Variants in CTTNBP2 observed in about 807,000 individuals in gnomAD.
CTTNBP2 encodes cortactin-binding protein 2.
A neutral mutation model predicts 156.9 loss-of-function variants in CTTNBP2; 108 were observed. The observed-to-expected ratio is 0.69, with a 90% confidence interval of 0.59 to 0.81. The LOEUF (loss-of-function observed/expected upper bound fraction) is 0.81. Among genes scored for constraint, CTTNBP2 ranks in the 30% least tolerant of loss-of-function variants. CTTNBP2 has a pLI of 0.00. For synonymous variants in CTTNBP2, 767 were observed against 751.8 expected, an observed-to-expected ratio of 1.02 and a Z score of -0.33; for missense variants, 1,924 against 2,035.4, an observed-to-expected ratio of 0.95 and a Z score of 1.05.
At chr7:117,839,591 A>G (rs1481360617) in intron 2 of CTTNBP2, among the ~76,000 whole-genome samples, 9 of 152,246 alleles carry the variant, frequency 5.9e-5, no homozygotes, top group Admixed American at 5.9e-4. Context: ...TCTTAGGAGC[A>G]TTTCAGCCCC....
At chr7:117,842,901 T>C (rs1397197229) in intron 2 of CTTNBP2, among the ~76,000 whole-genome samples, 2 of 152,166 alleles carry the variant, frequency 1.3e-5, no homozygotes, top group Non-Finnish European at 2.9e-5. Context: ...AGAATAAAAT[T>C]CCTGCCCTCA....
chr7:117,777,369 C>A, intron 8 of CTTNBP2, 142 bp downstream of exon 8: 1 of 823,990 alleles, frequency 1.2e-6, no homozygotes, highest in South Asian at 1.9e-5. Flanking sequence ...GGAATAATGT[C>A]AATTTGTATT....
intron 2 of CTTNBP2, among the ~76,000 whole-genome samples, chr7:117,813,637 C>T (rs1011534940): frequency 2.0e-5 from 3 of 152,080 alleles, no homozygotes; most frequent in Admixed American, 1.3e-4. Flanking sequence ...ATAAGATCTC[C>T]GCGTCTATCT....
intron 16 of CTTNBP2, among the ~76,000 whole-genome samples, chr7:117,730,508 CA>C (rs1795342567): frequency 6.6e-6 from 1 of 152,118 alleles, no homozygotes; most frequent in Non-Finnish European, 1.5e-5. Context: ...CAAGAAGAGA[CA>C]AGGCTTAAAT....
intron 12 of CTTNBP2, among the ~76,000 whole-genome samples, chr7:117,750,689 A>G (rs1210916932): frequency 6.6e-6 from 1 of 152,206 alleles, no homozygotes; most frequent in African/African-American, 2.4e-5. Flanking sequence ...CGGGTCGAAC[A>G]TGCAAAGCTT....
At chr7:117,846,017 A>AT (rs1049586585) in intron 2 of CTTNBP2, among the ~76,000 whole-genome samples, 2 of 144,790 alleles carry the variant, frequency 1.4e-5, no homozygotes, top group African/African-American at 5.1e-5. Context: ...CGCCCGGCTA[A>AT]TTTTTTTGTA....
In CTTNBP2 at chr7:117,774,257, G is replaced by C. The variant is rs1052379899; in HGVS notation, c.2778+3254C>G. Among the ~76,000 whole-genome samples the C allele has an allele frequency of 3.9e-5, 6 of 152,076 alleles. No homozygotes were observed. In the East Asian group the frequency reaches 1.2e-3, roughly 29 times the overall value. ...AAGACCAGGGGCTAACGTGGAAAAAGGACAGATTTGGGAATTTGATCTTCA... is the reference window on the plus strand; with the variant it reads ...AAGACCAGGGGCTAACGTGGAAAAACGACAGATTTGGGAATTTGATCTTCA... On this transcript the variant is annotated intron_variant, in intron 8 of 22. Transcript: ENST00000160373.
In CTTNBP2 at chr7:117,740,548, T is replaced by G. The variant is rs555966646; in HGVS notation, c.3536-5127A>C. ...TAGAATACCTCAGGAATCAGTGTAC[T>G]CTTCAGTTGTGGTACTTACTATTTG... On this transcript the variant is annotated intron_variant, in intron 14 of 22. Transcript: ENST00000160373. 2.5e-4 allele frequency among the ~76,000 whole-genome samples: 38 copies of G among 152,340 alleles called. 1 individual carries two copies. Among genetic ancestry groups the G allele is most frequent in the Middle Eastern group, 3.4e-3 (1 of 294 alleles).
rs1286004528 is a variant in CTTNBP2 at position 117,838,927 on chromosome 7, C to T, written c.189+22282G>A. Among the ~76,000 whole-genome samples, 4 of 126,034 alleles carry T rather than the reference C, an allele frequency of 3.2e-5. 1 individual carries two copies. In the Admixed American group the frequency reaches 3.3e-4, roughly 10 times the overall value. 82.7% of individuals were successfully genotyped at this position (126,034 alleles called of 152,430 possible). On this transcript the variant is annotated intron_variant, in intron 2 of 22. Coordinates refer to ENST00000160373, the MANE Select transcript of CTTNBP2 (RefSeq NM_033427.3). ...TTTCTTCATTTCTTTAAAGTGATTT[C>T]CACATTTTTGTTGAATAATGTATAG...
intron 12 of CTTNBP2, among the ~76,000 whole-genome samples, chr7:117,750,612 C>A (rs1236407914): frequency 1.3e-5 from 2 of 152,042 alleles, no homozygotes; most frequent in Non-Finnish European, 2.9e-5. Context: ...ATGTTGGTTA[C>A]CATTTAAATT....
intron 8 of CTTNBP2, among the ~76,000 whole-genome samples, chr7:117,774,831 G>GA (rs1053462604): frequency 4.3e-4 from 65 of 150,680 alleles, no homozygotes; most frequent in South Asian, 1.5e-3. Flanking sequence ...CTAGAGAAAA[G>GA]AAAAAAAAAT....
rs536508505 is a variant in CTTNBP2 at position 117,820,201 on chromosome 7, T to C, written c.190-9212A>G. On this transcript the variant is annotated intron_variant, in intron 2 of 22. Transcript: ENST00000160373. ...CACTGTTCCACTCTCTTGCCCAGGGTAGATACTATTAAATTATCAGTGCAC... is the reference window on the plus strand; with the variant it reads ...CACTGTTCCACTCTCTTGCCCAGGGCAGATACTATTAAATTATCAGTGCAC... Among the ~76,000 whole-genome samples, 20 of 152,304 alleles carry C rather than the reference T, an allele frequency of 1.3e-4. No individual in the cohort carries two copies. In the South Asian group the frequency reaches 3.9e-3, roughly 30 times the overall value.
chr7:117,720,058 T>G (rs1378741123), intron 20 of CTTNBP2, among the ~76,000 whole-genome samples: 1 of 152,168 alleles, frequency 6.6e-6, no homozygotes, highest in Non-Finnish European at 1.5e-5. Flanking sequence ...TGGGTTCCCT[T>G]TTCTGTAAAT....
At chr7:117,778,867 A>G (rs1759808567) in intron 7 of CTTNBP2, among the ~76,000 whole-genome samples, 1 of 152,056 alleles carries the variant, frequency 6.6e-6, no homozygotes, top group Non-Finnish European at 1.5e-5. Context: ...TACCTTTTTC[A>G]TGCAGTATTT....
intron 2 of CTTNBP2, among the ~76,000 whole-genome samples, chr7:117,858,072 C>T (rs890052279): frequency 6.6e-6 from 1 of 152,144 alleles, no homozygotes; most frequent in African/African-American, 2.4e-5. Flanking sequence ...ACCAAAAAAG[C>T]TTCAGGAATC....
At chr7:117,731,683 G>A (rs1795406668) in intron 16 of CTTNBP2, among the ~76,000 whole-genome samples, 1 of 152,234 alleles carries the variant, frequency 6.6e-6, no homozygotes, top group Non-Finnish European at 1.5e-5. Context: ...TGCTATGACT[G>A]ACTGACGGGA....
intron 6 of CTTNBP2, among the ~76,000 whole-genome samples, chr7:117,781,002 G>C (rs1446623308): frequency 6.6e-6 from 1 of 152,164 alleles, no homozygotes; most frequent in African/African-American, 2.4e-5. Flanking sequence ...ATTTTCACTT[G>C]AGAAAATAAT....
At chr7:117,777,931 T>C (rs145048087) in intron 7 of CTTNBP2, among the ~76,000 whole-genome samples, 166 bp from the exon 8 acceptor site, 2 of 152,328 alleles carry the variant, frequency 1.3e-5, no homozygotes, top group East Asian at 3.9e-4. Context: ...TAAAGTTCTC[T>C]GACTCCTGTC....
chr7:117,850,562 T>G (rs1802876132), intron 2 of CTTNBP2, among the ~76,000 whole-genome samples: 1 of 152,104 alleles, frequency 6.6e-6, no homozygotes, highest in Admixed American at 6.6e-5. Flanking sequence ...ATAAAACAAC[T>G]TTGAGGGAGT....
Sources: gnomAD v4.1 joint callset for allele counts (sites outside exome capture counted in the v4.1 genomes callset) on GRCh38, gnomAD v4.1.1 for gene constraint, MANE v1.5 for transcripts, NCBI Gene and HGNC (gene_info 2026-07-23, HGNC 2026-07-21) for gene names.